Variants in TOX4 observed in about 807,000 individuals in gnomAD.
TOX4 encodes epidermal Langerhans cell protein LCP1.
In TOX4, 12 loss-of-function variants were observed where a neutral mutation model predicts 61.0. The ratio of observed to expected loss-of-function variants is 0.20; its 90% CI spans 0.13 to 0.32. The LOEUF is 0.32. Among genes scored for constraint, TOX4 ranks in the 10% least tolerant of loss-of-function variants. The pLI is 1.00. For missense variants in TOX4, 499 were observed against 753.3 expected (o/e 0.66, Z 3.95); for synonymous variants, 268 against 274.8 (o/e 0.98, Z 0.24).
At position 21,495,233 on chromosome 14, in the gene TOX4, A is replaced by C; in HGVS notation, c.1646A>C (p.Glu549Ala). ...EMITDVVPEV[E>A]SPSQMDVELV... The stretch of plus-strand genomic sequence containing the variant: ...GTACTCTTCTTCTTCTCACAGGTTG[A>C]GTCTCCTTCTCAGATGGATGTTGAA... Residue 549 changes from glutamate to alanine, a missense_variant, in exon 8 of 9, where the codon GAG becomes GCG. Physicochemically the swap from Glu to Ala is moderately radical, Grantham distance 107 (BLOSUM62 -1). This residue lies in a region of TOX4 where 296 missense variants were observed against 404.7 expected (regional missense o/e 0.73). Coordinates refer to ENST00000448790, the MANE Select transcript of TOX4 (RefSeq NM_014828.4). 1 of 1,613,918 alleles carries C rather than the reference A, an allele frequency of 6.2e-7. No homozygotes were observed. Among genetic ancestry groups the C allele is most frequent in the Non-Finnish European group, 8.5e-7 (1 of 1,179,958 alleles).
rs1891476870 is a variant in TOX4, at chr14:21,498,751, T to C, written c.*2145T>C. The C allele has an allele frequency of 2.1e-6, 1 of 479,532 alleles. No individual in the cohort carries two copies. Among genetic ancestry groups the C allele is most frequent in the South Asian group, 2.8e-5 (1 of 35,840 alleles). The allele number at this position is 479,532 out of a possible 1,614,324, so 29.7% of individuals were successfully genotyped here. ...AACTTCGTAACCACCAGGGGGCAGA[T>C]TCAATACATCACAGAATGGCTGAGG... is the stretch of plus-strand genomic sequence containing the variant. On this transcript the variant is annotated 3_prime_UTR_variant, in exon 9 of 9. Transcript: ENST00000448790.
chr14:21,479,976 A>T (rs79408522), intron 2 of TOX4, among the ~76,000 whole-genome samples: 1,878 of 152,288 alleles, frequency 0.012, 35 homozygotes, highest in African/African-American at 0.043. Flanking sequence ...AGCCACATTT[A>T]AAAAAGTGGT....
intron 2 of TOX4, among the ~76,000 whole-genome samples, chr14:21,481,213 C>G (rs1256034317): frequency 2.6e-5 from 4 of 152,154 alleles, no homozygotes; most frequent in Admixed American, 6.5e-5. Context: ...GAGTCTTGCT[C>G]TGTCACCCAG....
Position 21,498,434 on chromosome 14 carries a change from A to G in TOX4, c.*1828A>G, listed in dbSNP as rs1475385079. 2.7e-6 allele frequency: 4 copies of G among 1,486,938 alleles called. No individual in the cohort carries two copies. The African/African-American group carries it at 4.2e-5, about 16-fold the overall frequency. The allele number at this position is 1,486,938 out of a possible 1,614,324, so 92.1% of individuals were successfully genotyped here. A position where few individuals can be genotyped will look rare whatever the true frequency, so the allele number is the denominator to read the frequency against. On this transcript the variant is annotated 3_prime_UTR_variant, in exon 9 of 9. Transcript: ENST00000448790. ...GAATTAGAGGGTTTAATATTGTTAA[A>G]AAATGCATACCAAATGAAGACTGCC...
chr14:21,496,956 G>T lies in TOX4; in HGVS notation c.*350G>T. The T allele has an allele frequency of 4.4e-6, 1 of 224,830 alleles. No homozygotes were observed. Among genetic ancestry groups the T allele is most frequent in the Non-Finnish European group, 8.9e-6 (1 of 111,800 alleles). 13.9% of individuals were successfully genotyped at this position (224,830 alleles called of 1,614,324 possible). ...TGCCTAAAATATTATTAAAATTACG[G>T]GAGTGTACTCAGCTTTGAGCCTAGG... On this transcript the variant is annotated 3_prime_UTR_variant, in exon 9 of 9. Coordinates refer to ENST00000448790, the MANE Select transcript of TOX4 (RefSeq NM_014828.4).
chr14:21,482,362 G>A (rs115232663), intron 2 of TOX4, among the ~76,000 whole-genome samples: 209 of 152,276 alleles, frequency 1.4e-3, no homozygotes, highest in African/African-American at 4.7e-3. Flanking sequence ...CCAGCGTATT[G>A]TTGAATAAAT....
intron 7 of TOX4, among the ~76,000 whole-genome samples, chr14:21,494,001 G>A (rs573126460): frequency 3.3e-5 from 5 of 152,084 alleles, no homozygotes; most frequent in South Asian, 2.1e-4. Context: ...CGCCCGCTTC[G>A]GCCTCCCAGA....
chr14:21,488,449 A>T, intron 3 of TOX4, 141 bp from the exon 4 acceptor site: 3 of 828,450 alleles, frequency 3.6e-6, no homozygotes, highest in South Asian at 2.2e-5. Context: ...TTTTATTTTC[A>T]TTTTTGAAGA....
chr14:21,494,449 T>G (rs1303344428), intron 7 of TOX4, among the ~76,000 whole-genome samples: 1 of 148,108 alleles, frequency 6.8e-6, no homozygotes. Context: ...CTACTAACAA[T>G]ACAAAAAATT....
In TOX4 at chr14:21,495,451, T is replaced by TA. The variant is rs1594433455; in HGVS notation, c.1805+60dup. The TA allele has an allele frequency of 5.8e-6, 9 of 1,555,356 alleles. No homozygotes were observed. The East Asian group carries it at 1.6e-4, about 28-fold the overall frequency. On this transcript the variant is annotated intron_variant, in intron 8 of 8. Coordinates refer to ENST00000448790, the MANE Select transcript of TOX4 (RefSeq NM_014828.4). ...TACTGGTCAATTCTACTGGGAAACA[T>TA]AGGAATCTTGAGCATAAAATCAGCA...
Position 21,490,800 on chromosome 14 carries a change from C to T in TOX4, c.810+1397C>T, listed in dbSNP as rs1442845480. ...GCATGCTGTGGCTAACTCTCAAATC[C>T]ACTACCAAGTTTGGATTTAGAATTA... On this transcript the variant is annotated intron_variant, in intron 5 of 8. Transcript: ENST00000448790. Among the ~76,000 whole-genome samples, 4 of 152,302 alleles carry T rather than the reference C, an allele frequency of 2.6e-5. No homozygotes were observed. The South Asian group carries it at 6.2e-4, about 24-fold the overall frequency.
At chr14:21,478,019 C>T (rs1891034037) in intron 2 of TOX4, among the ~76,000 whole-genome samples, 1 of 152,204 alleles carries the variant, frequency 6.6e-6, no homozygotes, top group South Asian at 2.1e-4. Context: ...TCACTGCAAC[C>T]TCTGTCTCCT....
intron 5 of TOX4, among the ~76,000 whole-genome samples, chr14:21,490,680 C>T (rs2139627270): frequency 6.6e-6 from 1 of 152,286 alleles, no homozygotes; most frequent in South Asian, 2.1e-4. Flanking sequence ...TATAATTCCT[C>T]ATGTAGTGTC....
At chr14:21,480,743 CAT>C (rs1295064580) in intron 2 of TOX4, among the ~76,000 whole-genome samples, 1 of 152,100 alleles carries the variant, frequency 6.6e-6, no homozygotes, top group African/African-American at 2.4e-5. Flanking sequence ...ATATCTAACT[CAT>C]ATTCAGAATA....
chr14:21,493,387 T>G, intron 7 of TOX4, 130 bp downstream of exon 7: 4 of 948,758 alleles, frequency 4.2e-6, no homozygotes, highest in Non-Finnish European at 5.9e-6. Context: ...ATCCTGCAGA[T>G]GGGAGTTCCT....
At position 21,489,415 on chromosome 14, in the gene TOX4, T is replaced by C. The variant is rs745384288; in HGVS notation, c.810+12T>C. The C allele has an allele frequency of 1.2e-6, 2 of 1,605,170 alleles. No individual in the cohort carries two copies. On this transcript the variant is annotated intron_variant, in intron 5 of 8. Coordinates refer to ENST00000448790, the MANE Select transcript of TOX4 (RefSeq NM_014828.4). ...AGGAGCAAAAACAGGTGAGCAAATA[T>C]TGAGGAACTAGTAGTGAATGTTCCA...
intron 5 of TOX4, among the ~76,000 whole-genome samples, chr14:21,489,862 T>C (rs1891255874): frequency 6.7e-6 from 1 of 149,798 alleles, no homozygotes; most frequent in Non-Finnish European, 1.5e-5. Flanking sequence ...ATTACAGGCA[T>C]GAGCCACTGC....
intron 2 of TOX4, among the ~76,000 whole-genome samples, chr14:21,486,475 ATAACCATATAAG>A (rs1891191659): frequency 5.2e-5 from 2 of 38,258 alleles, no homozygotes; most frequent in African/African-American, 1.0e-4. Context: ...TATCCTCATA[ATAACCATATAAG>A]GGGATTACCA....
At chr14:21,488,146 C>T in intron 3 of TOX4, 1 of 173,156 alleles carries the variant, frequency 5.8e-6, no homozygotes, top group South Asian at 1.4e-4. Context: ...GGGCTTCCAG[C>T]ACATCGAACC....
Sources: allele counts gnomAD v4.1 joint callset (sites outside exome capture counted in the v4.1 genomes callset), GRCh38; gene constraint gnomAD v4.1.1; regional missense constraint gnomAD v4.1.1; transcripts MANE v1.5; gene names NCBI Gene and HGNC (gene_info 2026-07-23, HGNC 2026-07-21).